The following PBX1 variants were observed in gnomAD, a reference collection of about 807,000 sequenced individuals.
PBX1 encodes the protein pre-B-cell leukemia transcription factor 1.
PBX1 carries 6 observed loss-of-function variants against 53.4 expected under a neutral mutation model. The observed-to-expected ratio is 0.11, with a 90% CI of 0.06 to 0.22. The LOEUF is 0.22. Among genes scored for constraint, PBX1 ranks in the 10% least tolerant of loss-of-function variants. PBX1 has a pLI of 1.00. For missense variants in PBX1, 251 were observed against 551.4 expected (o/e 0.46, Z 5.46); for synonymous variants, 204 against 212.3 (o/e 0.96, Z 0.34).
chr1:164,807,535 T>C lies in PBX1; in HGVS notation c.702-7T>C. The C allele has an allele frequency of 6.2e-7, 1 of 1,612,242 alleles. No individual in the cohort carries two copies. The highest frequency in any genetic ancestry group is 8.5e-7 in the Non-Finnish European group (1 of 1,179,218). On this transcript the variant is annotated splice_polypyrimidine_tract_variant and splice_region_variant and intron_variant, in intron 4 of 8. Coordinates refer to ENST00000420696, the MANE Select transcript of PBX1 (RefSeq NM_002585.4). ...TTTTTGTTATTATTTCCTTTCTCTT[T>C]ACAAAGGCGGAAGAGACGGAATTTC...
intron 2 of PBX1, among the ~76,000 whole-genome samples, chr1:164,750,910 C>A (rs766535548): frequency 4.6e-5 from 7 of 152,100 alleles, no homozygotes; most frequent in Admixed American, 4.6e-4. Context: ...TGTGTTATGT[C>A]TTTAAAACAT....
intron 2 of PBX1, among the ~76,000 whole-genome samples, chr1:164,742,989 A>G (rs1333708411): frequency 2.0e-5 from 3 of 152,168 alleles, no homozygotes; most frequent in African/African-American, 7.2e-5. Context: ...CTCCAATAAT[A>G]CGATCCACTC....
intron 2 of PBX1, among the ~76,000 whole-genome samples, chr1:164,630,690 T>A (rs1198935783): frequency 6.6e-6 from 1 of 152,198 alleles, no homozygotes; most frequent in African/African-American, 2.4e-5. Context: ...AAATAGAACC[T>A]TCTATGACTA....
chr1:164,801,450 G>GGA, intron 4 of PBX1, among the ~76,000 whole-genome samples: 1 of 109,244 alleles, frequency 9.2e-6, no homozygotes, highest in African/African-American at 3.2e-5. Flanking sequence ...GGCAGATATT[G>GGA]AAAAAAAAAA....
chr1:164,676,466 A>G (rs551745478), intron 2 of PBX1, among the ~76,000 whole-genome samples: 17 of 152,328 alleles, frequency 1.1e-4, no homozygotes, highest in African/African-American at 3.1e-4. Flanking sequence ...TTGTGTGAAC[A>G]GGTGGAAACT....
intron 8 of PBX1, among the ~76,000 whole-genome samples, chr1:164,824,284 G>A (rs916886646): frequency 3.9e-5 from 6 of 152,160 alleles, no homozygotes; most frequent in African/African-American, 9.7e-5. Flanking sequence ...TGCAAGGTGC[G>A]GTGGTAGGAG....
intron 8 of PBX1, among the ~76,000 whole-genome samples, chr1:164,836,190 C>A (rs930924341): frequency 2.6e-5 from 4 of 152,122 alleles, no homozygotes; most frequent in Non-Finnish European, 5.9e-5. Flanking sequence ...CGATCAGTCT[C>A]CTTGTTTCTT....
At chr1:164,817,031 G>A (rs1223519150) in intron 6 of PBX1, 2 of 152,226 alleles carry the variant, frequency 1.3e-5, no homozygotes, top group East Asian at 3.9e-4. Flanking sequence ...GCCTAGTTGA[G>A]TGTAGATTTA....
At chr1:164,784,404 C>T (rs1278814026) in intron 2 of PBX1, among the ~76,000 whole-genome samples, 1 of 152,210 alleles carries the variant, frequency 6.6e-6, no homozygotes, top group Non-Finnish European at 1.5e-5. Context: ...GGAGGCGCAG[C>T]GTGCCAAGTG....
intron 2 of PBX1, among the ~76,000 whole-genome samples, chr1:164,713,327 A>C (rs1663907231): frequency 6.6e-6 from 1 of 152,200 alleles, no homozygotes; most frequent in South Asian, 2.1e-4. Context: ...GCTATGATAA[A>C]AGGTATGTGT....
chr1:164,802,826 G>A (rs1265679516), intron 4 of PBX1, among the ~76,000 whole-genome samples: 1 of 151,698 alleles, frequency 6.6e-6, no homozygotes, highest in African/African-American at 2.4e-5. Context: ...ACCAAGCATT[G>A]TGCCATACAA....
At chr1:164,567,768 C>T (rs1260659950) in intron 2 of PBX1, among the ~76,000 whole-genome samples, 1 of 152,094 alleles carries the variant, frequency 6.6e-6, no homozygotes, top group Non-Finnish European at 1.5e-5. Context: ...GCAATTTGGT[C>T]AAAGCTGCCA....
chr1:164,799,384 C>T (rs534661465), intron 3 of PBX1, among the ~76,000 whole-genome samples: 2 of 151,862 alleles, frequency 1.3e-5, no homozygotes, highest in Non-Finnish European at 2.9e-5. Flanking sequence ...CCAGCTACTC[C>T]GGAGGCTGAG....
chr1:164,636,915 T>TG (rs1658819256), intron 2 of PBX1, among the ~76,000 whole-genome samples: 1 of 152,170 alleles, frequency 6.6e-6, no homozygotes, highest in South Asian at 2.1e-4. Flanking sequence ...GGTAGGAGGA[T>TG]GGCTTAGGAC....
chr1:164,645,691 CA>C (rs1424004023), intron 2 of PBX1, among the ~76,000 whole-genome samples: 5 of 152,164 alleles, frequency 3.3e-5, no homozygotes, highest in Non-Finnish European at 5.9e-5. Flanking sequence ...CCAACACGTA[CA>C]CACAGATATA....
chr1:164,856,784 T>C (rs986451043), downstream of PBX1, among the ~76,000 whole-genome samples: 2 of 152,240 alleles, frequency 1.3e-5, no homozygotes, highest in Non-Finnish European at 2.9e-5. Flanking sequence ...GTGTCCACCT[T>C]TTCTGTTCGC....
intron 2 of PBX1, among the ~76,000 whole-genome samples, chr1:164,715,364 A>G (rs1212965015): frequency 6.6e-6 from 1 of 152,120 alleles, no homozygotes; most frequent in Non-Finnish European, 1.5e-5. Flanking sequence ...TGTTATTGTC[A>G]TTTGTTTTCT....
chr1:164,610,594 GAAAC>G (rs1656853290), intron 2 of PBX1, among the ~76,000 whole-genome samples: 1 of 152,076 alleles, frequency 6.6e-6, no homozygotes, highest in Non-Finnish European at 1.5e-5. Flanking sequence ...TAATTTGGTG[GAAAC>G]AAACAAGCAG....
At chr1:164,632,823 G>A (rs974067724) in intron 2 of PBX1, among the ~76,000 whole-genome samples, 2 of 152,134 alleles carry the variant, frequency 1.3e-5, no homozygotes, top group Admixed American at 6.5e-5. Flanking sequence ...TGGTTGAGCA[G>A]TAAACACGGA....
Sources: allele counts gnomAD v4.1 joint callset (sites outside exome capture counted in the v4.1 genomes callset), GRCh38; gene constraint gnomAD v4.1.1; transcripts MANE v1.5; gene names NCBI Gene and HGNC (gene_info 2026-07-23, HGNC 2026-07-21).